Variants in PDE6C observed in about 807,000 individuals in gnomAD.
PDE6C encodes the protein phosphodiesterase 6C.
Under a neutral mutation model 113.1 loss-of-function variants are expected in PDE6C, and 75 were observed. That is an observed-to-expected ratio of 0.66 (90% CI 0.55 to 0.80). PDE6C has a LOEUF of 0.80. Among genes scored for constraint, PDE6C ranks in the 30% least tolerant of loss-of-function variants. The probability of loss-of-function intolerance (pLI) is 0.00; values close to 1 mark genes in which losing one functional copy is unlikely to be tolerated. For synonymous variants in PDE6C, 375 were observed against 363.7 expected (o/e 1.03, Z -0.35); for missense variants, 912 against 1,038.6 (o/e 0.88, Z 1.67).
rs2058415757 is a variant in PDE6C at position 93,615,452 on chromosome 10, G to A, written c.480+2247G>A. On this transcript the variant is annotated intron_variant, in intron 1 of 21. Coordinates refer to ENST00000371447, the MANE Select transcript of PDE6C (RefSeq NM_006204.4). ...GCTGGAGTGCGATGGCGCTATCTTG[G>A]CTCACTGCAACCTCTGCCTCCCGGG... is the stretch of plus-strand genomic sequence containing the variant. Among the ~76,000 whole-genome samples the A allele has an allele frequency of 2.0e-5, 3 of 152,286 alleles. No individual in the cohort carries two copies. In the South Asian group the frequency reaches 6.2e-4, roughly 32 times the overall value.
At chr10:93,618,286 C>G (rs946714442) in intron 1 of PDE6C, among the ~76,000 whole-genome samples, 2 of 151,614 alleles carry the variant, frequency 1.3e-5, no homozygotes, top group Non-Finnish European at 2.9e-5. Flanking sequence ...GCCAGACACT[C>G]TTTTTTTTTC....
At chr10:93,634,647 G>A in intron 8 of PDE6C, 111 bp from the exon 9 acceptor site, 1 of 1,107,546 alleles carries the variant, frequency 9.0e-7, no homozygotes, top group Non-Finnish European at 1.3e-6. Flanking sequence ...GAAACTGGGT[G>A]AAGGGTACCT....
At chr10:93,650,655 A>G (rs1589702919) in intron 15 of PDE6C, among the ~76,000 whole-genome samples, 2 of 152,230 alleles carry the variant, frequency 1.3e-5, no homozygotes, top group African/African-American at 4.8e-5. Flanking sequence ...AATGGAAAGA[A>G]TTGCAGAACT....
chr10:93,631,576 T>C (rs1301503600), intron 8 of PDE6C, among the ~76,000 whole-genome samples: 2 of 151,694 alleles, frequency 1.3e-5, no homozygotes, highest in East Asian at 3.9e-4. Context: ...GATGTCTCTC[T>C]CAGCACCCCC....
Position 93,616,652 on chromosome 10 carries a change from C to CTTT in PDE6C, c.480+3465_480+3467dup, listed in dbSNP as rs11418985. Among the ~76,000 whole-genome samples the CTTT allele has an allele frequency of 2.8e-3, 335 of 118,402 alleles. 4 individuals are homozygous for CTTT. The highest frequency in any genetic ancestry group is 5.4e-3 in the Middle Eastern group (1 of 186). 77.7% of individuals were successfully genotyped at this position (118,402 alleles called of 152,430 possible). ...TTAAAACAAGTTGAAGGCAGGAAGA[C>CTTT]TTTTTTTTTTTTTTTTTTTTGAGAC... On this transcript the variant is annotated intron_variant, in intron 1 of 21. Coordinates refer to ENST00000371447, the MANE Select transcript of PDE6C (RefSeq NM_006204.4).
In PDE6C at chr10:93,622,053, T is replaced by C; in HGVS notation, c.845T>C (p.Leu282Pro). 2 of 1,614,080 alleles carry C rather than the reference T, an allele frequency of 1.2e-6. No individual in the cohort carries two copies. Among genetic ancestry groups the C allele is most frequent in the Non-Finnish European group, 1.7e-6 (2 of 1,179,998 alleles). Residue 282 changes from leucine (L) to proline (P), a missense_variant, in exon 4 of 22, where the codon CTG becomes CCG. Physicochemically the swap from Leu to Pro is moderately conservative, Grantham distance 98. Coordinates refer to ENST00000371447, the MANE Select transcript of PDE6C (RefSeq NM_006204.4). Reference protein sequence around the residue: ...LNCERYSIGLLDMTKEKEFYD... With the variant: ...LNCERYSIGLPDMTKEKEFYD... ...TGTGAACGATACTCCATTGGACTGC[T>C]GGACATGACCAAGGAGAAGGTTCTT... is the stretch of plus-strand genomic sequence containing the variant.
chr10:93,646,628 G>A (rs1205551776), intron 15 of PDE6C, among the ~76,000 whole-genome samples: 2 of 152,080 alleles, frequency 1.3e-5, no homozygotes, highest in Non-Finnish European at 1.5e-5. Flanking sequence ...AAGGGGGAGC[G>A]AGCACTTCAT....
intron 16 of PDE6C, 117 bp downstream of exon 16, chr10:93,655,977 G>GAC (rs142512994): frequency 1.2e-4 from 85 of 734,106 alleles, no homozygotes; most frequent in East Asian, 2.0e-4. Context: ...CACACACACA[G>GAC]ACACACACAC....
intron 10 of PDE6C, 124 bp downstream of exon 10, chr10:93,635,764 A>C: frequency 1.0e-6 from 1 of 998,286 alleles, no homozygotes; most frequent in Non-Finnish European, 1.6e-6. Flanking sequence ...AGAGAGAGAC[A>C]GGGAAGGAGG....
At position 93,629,323 on chromosome 10, in the gene PDE6C, C is replaced by T; in HGVS notation, c.1119+18C>T. On this transcript the variant is annotated intron_variant, in intron 8 of 21. Transcript: ENST00000371447. ...CATTTCAGGTAACTGCACTCTGGGT[C>T]AGACCTCACCTCTTGGGGCTGGGGT... 5 of 1,583,356 alleles carry T rather than the reference C, an allele frequency of 3.2e-6. No homozygotes were observed. In the South Asian group the frequency reaches 5.5e-5, roughly 17 times the overall value.
At chr10:93,657,273 T>C (rs2058642271) in intron 16 of PDE6C, among the ~76,000 whole-genome samples, 1 of 151,834 alleles carries the variant, frequency 6.6e-6, no homozygotes, top group Non-Finnish European at 1.5e-5. Flanking sequence ...GTGATTCTTC[T>C]GCCTCAGCCT....
chr10:93,646,440 A>G (rs1340293632), intron 15 of PDE6C, among the ~76,000 whole-genome samples: 1 of 152,198 alleles, frequency 6.6e-6, no homozygotes, highest in Non-Finnish European at 1.5e-5. Context: ...AAGAAAGTCA[A>G]GCTTTCATAG....
chr10:93,635,325 C>T (rs532733825), intron 9 of PDE6C, among the ~76,000 whole-genome samples, 172 bp from the exon 10 acceptor site: 7 of 152,110 alleles, frequency 4.6e-5, no homozygotes, highest in Non-Finnish European at 1.0e-4. Flanking sequence ...AGCAATAATT[C>T]AGCCAGTTTT....
At position 93,626,642 on chromosome 10, in the gene PDE6C, A is replaced by C. The variant is rs764343834; in HGVS notation, c.942A>C (p.Glu314Asp). 23 of 1,506,042 alleles carry C rather than the reference A, an allele frequency of 1.5e-5. No homozygotes were observed. The highest frequency in any genetic ancestry group is 1.7e-4 in the Middle Eastern group (1 of 5,892). The allele number at this position is 1,506,042 out of a possible 1,614,324, so 93.3% of individuals were successfully genotyped here. ...YKGPKTPDGR[E>D]VNFYKIIDYI... ...ATAATATCCTCTTTCTTTCTTAGGA[A>C]GTCAACTTTTATAAAATCATTGATT... The change falls in exon 6 of 22, where the codon GAA (glutamate) becomes GAC (aspartate). Residue 314 changes from glutamate (E) to aspartate (D), a missense_variant and splice_region_variant. By Grantham distance (45) the Glu-to-Asp change is conservative. Coordinates refer to ENST00000371447, the MANE Select transcript of PDE6C (RefSeq NM_006204.4).
At chr10:93,633,010 G>GC (rs1479785999) in intron 8 of PDE6C, among the ~76,000 whole-genome samples, 2 of 152,200 alleles carry the variant, frequency 1.3e-5, no homozygotes, top group Non-Finnish European at 2.9e-5. Context: ...CTTAACAGGG[G>GC]CCTGTAAGGA....
intron 16 of PDE6C, among the ~76,000 whole-genome samples, chr10:93,658,169 CAAAAA>C (rs71031527): frequency 0.018 from 1,070 of 59,860 alleles, 2 homozygotes; most frequent in Middle Eastern, 0.16. Context: ...GATTCTGTCT[CAAAAA>C]AAAAAAAAAA....
Position 93,645,959 on chromosome 10 carries a change from G to T in PDE6C, c.1848-1G>T. ...ATCATGGCATGTTGTTTTCCTTCTA[G>T]ATCCACGTCTCCATTAGCAAGACTT... On this transcript the variant is annotated splice_acceptor_variant, in intron 14 of 21. Coordinates refer to ENST00000371447, the MANE Select transcript of PDE6C (RefSeq NM_006204.4). LOFTEE classifies it high-confidence loss of function. The T allele has an allele frequency of 1.3e-6, 2 of 1,580,990 alleles. No homozygotes were observed. Among genetic ancestry groups the T allele is most frequent in the Non-Finnish European group, 1.7e-6 (2 of 1,150,028 alleles).
At chr10:93,619,697 A>G (rs2058436213) in intron 1 of PDE6C, among the ~76,000 whole-genome samples, 1 of 152,186 alleles carries the variant, frequency 6.6e-6, no homozygotes, top group South Asian at 2.1e-4. Context: ...AAGTGCTGGG[A>G]TTACAGGCAT....
At chr10:93,662,425 T>C in intron 19 of PDE6C, 135 bp from the exon 20 acceptor site, 1 of 555,920 alleles carries the variant, frequency 1.8e-6, no homozygotes, top group Non-Finnish European at 3.2e-6. Flanking sequence ...ATTGTGGCAC[T>C]GCACCCAGAC....
Sources: allele counts gnomAD v4.1 joint callset (sites outside exome capture counted in the v4.1 genomes callset), GRCh38; gene constraint gnomAD v4.1.1; transcripts MANE v1.5; gene names NCBI Gene and HGNC (gene_info 2026-07-23, HGNC 2026-07-21).